VKORC1L1: variants seen among roughly 807,000 people sequenced by gnomAD.
VKORC1L1 encodes the protein vitamin K epoxide reductase complex subunit 1L1, also known as vitamin K epoxide reductase complex subunit 1-like protein 1.
In VKORC1L1, 2 loss-of-function variants were observed where a neutral mutation model predicts 18.9. The observed-to-expected ratio is 0.11, with a 90% CI of 0.04 to 0.33. The LOEUF (loss-of-function observed/expected upper bound fraction) is 0.33, where lower values mean the gene tolerates loss of function less well. VKORC1L1 is among the 10% of genes least tolerant of loss of function. The pLI is 1.00. For missense variants in VKORC1L1, 123 were observed against 224.1 expected (o/e 0.55, Z 2.88); for synonymous variants, 96 against 100.0 (o/e 0.96, Z 0.24).
At chr7:65,904,602 A>G (rs768308654) in intron 1 of VKORC1L1, among the ~76,000 whole-genome samples, 1 of 152,190 alleles carries the variant, frequency 6.6e-6, no homozygotes, top group Non-Finnish European at 1.5e-5. Context: ...ACCTAGAACA[A>G]CTACCATAAA....
chr7:65,913,878 T>G (rs1789543890), intron 1 of VKORC1L1, among the ~76,000 whole-genome samples: 1 of 152,106 alleles, frequency 6.6e-6, no homozygotes, highest in African/African-American at 2.4e-5. Context: ...TGTGGCTTTT[T>G]GTGCCAAAAT....
chr7:65,875,596 T>C (rs1374037170), intron 1 of VKORC1L1, among the ~76,000 whole-genome samples: 2 of 152,142 alleles, frequency 1.3e-5, no homozygotes, highest in Admixed American at 6.6e-5. Flanking sequence ...TTTTTGTATT[T>C]TTGGTAGAGA....
intron 1 of VKORC1L1, among the ~76,000 whole-genome samples, chr7:65,907,867 A>C (rs1479974666): frequency 7.0e-6 from 1 of 141,912 alleles, no homozygotes; most frequent in African/African-American, 2.5e-5. Flanking sequence ...TTTTGTTTTC[A>C]AGATCTTCCC....
intron 1 of VKORC1L1, among the ~76,000 whole-genome samples, chr7:65,890,408 G>A (rs1789093048): frequency 6.6e-6 from 1 of 152,156 alleles, no homozygotes; most frequent in Non-Finnish European, 1.5e-5. Flanking sequence ...TGGGATTACA[G>A]GCGTGAGCCA....
At chr7:65,943,264 AATAAT>A (rs1414191952) in intron 1 of VKORC1L1, among the ~76,000 whole-genome samples, 1 of 152,104 alleles carries the variant, frequency 6.6e-6, no homozygotes, top group Non-Finnish European at 1.5e-5. Context: ...TAAAAACAAA[AATAAT>A]AAGGAATTTT....
chr7:65,931,754 GC>G (rs1216213879), intron 1 of VKORC1L1, among the ~76,000 whole-genome samples: 1 of 152,038 alleles, frequency 6.6e-6, no homozygotes, highest in Non-Finnish European at 1.5e-5. Context: ...GAATTCTCAT[GC>G]CTTGACCTGC....
At chr7:65,948,068 A>G (rs539324201) in intron 1 of VKORC1L1, among the ~76,000 whole-genome samples, 1 of 152,266 alleles carries the variant, frequency 6.6e-6, no homozygotes, top group South Asian at 2.1e-4. Flanking sequence ...TTTTCAATCT[A>G]TATTCTTTGA....
At chr7:65,910,487 C>A (rs1409280373) in intron 1 of VKORC1L1, among the ~76,000 whole-genome samples, 1 of 152,172 alleles carries the variant, frequency 6.6e-6, no homozygotes, top group East Asian at 1.9e-4. Context: ...TTCTTGTATA[C>A]AAAATTCCAG....
chr7:65,920,283 T>C (rs1789653907), intron 1 of VKORC1L1, among the ~76,000 whole-genome samples: 2 of 152,264 alleles, frequency 1.3e-5, no homozygotes, highest in South Asian at 4.1e-4. Flanking sequence ...GTAGACACCA[T>C]GAGGACATAC....
intron 1 of VKORC1L1, among the ~76,000 whole-genome samples, chr7:65,912,797 A>T (rs1789521810): frequency 6.6e-6 from 1 of 152,232 alleles, no homozygotes; most frequent in South Asian, 2.1e-4. Flanking sequence ...TTTAAAAGAT[A>T]AAAATATAAA....
chr7:65,876,481 G>A (rs1347521563), intron 1 of VKORC1L1, among the ~76,000 whole-genome samples: 1 of 150,440 alleles, frequency 6.6e-6, no homozygotes, highest in Non-Finnish European at 1.5e-5. Flanking sequence ...CAGCCTGTGT[G>A]ACAGAACGAG....
chr7:65,956,743 G>A lies in VKORC1L1; in HGVS notation c.*2443G>A, dbSNP rs570746929. 2 of 152,234 alleles carry A rather than the reference G, an allele frequency of 1.3e-5. No homozygotes were observed. The highest frequency in any genetic ancestry group is 3.4e-3 in the Middle Eastern group (1 of 294). The allele number at this position is 152,234 out of a possible 1,614,324, so 9.4% of individuals were successfully genotyped here. On this transcript the variant is annotated 3_prime_UTR_variant, in exon 3 of 3. Transcript: ENST00000360768. ...TATACCTCCGATTCTGCCCAGAAGA[G>A]GGGGGGAATCACCAGTGTTACAAAA...
chr7:65,916,905 T>A (rs774573082), intron 1 of VKORC1L1, among the ~76,000 whole-genome samples: 7 of 152,162 alleles, frequency 4.6e-5, no homozygotes, highest in Non-Finnish European at 8.8e-5. Context: ...GCCTGAAATA[T>A]CTTTTTTTAG....
chr7:65,870,804 A>G (rs1788716837), upstream of VKORC1L1, among the ~76,000 whole-genome samples: 1 of 152,168 alleles, frequency 6.6e-6, no homozygotes, highest in African/African-American at 2.4e-5. Context: ...TTTCTTAATC[A>G]GTGTGTCATT....
At chr7:65,944,426 G>A (rs1358919802) in intron 1 of VKORC1L1, among the ~76,000 whole-genome samples, 1 of 152,018 alleles carries the variant, frequency 6.6e-6, no homozygotes, top group African/African-American at 2.4e-5. Context: ...TGTAGAGGTG[G>A]AGATGAAACA....
chr7:65,921,426 C>T (rs1265987300), intron 1 of VKORC1L1, among the ~76,000 whole-genome samples: 1 of 152,122 alleles, frequency 6.6e-6, no homozygotes, highest in African/African-American at 2.4e-5. Flanking sequence ...TGCTGTGTCA[C>T]CCAGGTTGGA....
chr7:65,900,056 T>C (rs1429156091), intron 1 of VKORC1L1, among the ~76,000 whole-genome samples: 1 of 44,838 alleles, frequency 2.2e-5, no homozygotes, highest in African/African-American at 5.5e-5. Flanking sequence ...TGTGTGTGTG[T>C]GTGTGTGTGT....
intron 1 of VKORC1L1, among the ~76,000 whole-genome samples, chr7:65,901,015 G>A (rs1789305992): frequency 6.6e-6 from 1 of 152,066 alleles, no homozygotes; most frequent in Admixed American, 6.6e-5. Context: ...AAGAAAATGA[G>A]GCAAGAATAG....
intron 1 of VKORC1L1, among the ~76,000 whole-genome samples, chr7:65,933,398 T>A (rs373889628): frequency 1.3e-5 from 2 of 152,210 alleles, no homozygotes; most frequent in East Asian, 1.9e-4. Flanking sequence ...CTCTGGTAAG[T>A]TCCCTTGTCC....
Sources: gnomAD v4.1 joint callset for allele counts (sites outside exome capture counted in the v4.1 genomes callset) on GRCh38, gnomAD v4.1.1 for gene constraint, MANE v1.5 for transcripts, NCBI Gene and HGNC (gene_info 2026-07-23, HGNC 2026-07-21) for gene names.